CREB3L2: variants seen among roughly 807,000 people sequenced by gnomAD.
The protein encoded by CREB3L2 is cAMP responsive element binding protein 3 like 2.
Under a neutral mutation model 57.2 loss-of-function variants are expected in CREB3L2, and 23 were observed. That is an observed-to-expected ratio of 0.40 (90% CI 0.29 to 0.57). The LOEUF is 0.57. Ranked by LOEUF, CREB3L2 falls within the 20% of genes least tolerant of loss-of-function variation. CREB3L2 has a pLI of 0.42. For missense variants in CREB3L2, 628 were observed against 634.7 expected (o/e 0.99, Z 0.11); for synonymous variants, 268 against 265.1 (o/e 1.01, Z -0.11).
intron 1 of CREB3L2, among the ~76,000 whole-genome samples, chr7:137,982,111 C>T (rs756128587): frequency 6.6e-6 from 1 of 152,192 alleles, no homozygotes; most frequent in African/African-American, 2.4e-5. Flanking sequence ...TTTAGAGGTA[C>T]AGTCTCTGGG....
Position 137,965,264 on chromosome 7 carries a change from A to G in CREB3L2, c.102+36340T>C, listed in dbSNP as rs538648038. The stretch of plus-strand genomic sequence containing the variant: ...CTCAGATTACTTACGATTTTTCTAT[A>G]AACAGAAATTTAGTCTGTCTCCTTC... On this transcript the variant is annotated intron_variant, in intron 1 of 11. Coordinates refer to ENST00000330387, the MANE Select transcript of CREB3L2 (RefSeq NM_194071.4). Among the ~76,000 whole-genome samples the G allele has an allele frequency of 2.1e-4, 32 of 152,334 alleles. No homozygotes were observed. In the East Asian group the frequency reaches 6.0e-3, roughly 28 times the overall value.
intron 8 of CREB3L2, among the ~76,000 whole-genome samples, chr7:137,897,388 G>A (rs1799650607): frequency 6.6e-6 from 1 of 152,100 alleles, no homozygotes. Flanking sequence ...ATTATTATTT[G>A]AGACAGAGTC....
At chr7:137,893,380 G>C (rs1403902430) in intron 8 of CREB3L2, among the ~76,000 whole-genome samples, 1 of 152,232 alleles carries the variant, frequency 6.6e-6, no homozygotes, top group Non-Finnish European at 1.5e-5. Context: ...CCAGAAGTTA[G>C]AGATAATGCA....
rs577514729 is a variant in CREB3L2, at chr7:137,980,590, C to G, written c.102+21014G>C. Among the ~76,000 whole-genome samples the G allele has an allele frequency of 1.3e-5, 2 of 152,192 alleles. No individual in the cohort carries two copies. The highest frequency in any genetic ancestry group is 4.8e-5 in the African/African-American group (2 of 41,456). ...TGCCCAGGGCTTACCCCAAGCATTG[C>G]AGACACCTGTAAAAATCAGGCCTAC... On this transcript the variant is annotated intron_variant, in intron 1 of 11. Transcript: ENST00000330387. This position sits in a 1 kb window ranked among gnomAD's most constrained non-coding sequence, Gnocchi z 4.3.
Position 138,001,024 on chromosome 7 carries a change from G to A in CREB3L2, c.102+580C>T, listed in dbSNP as rs746182007. Among the ~76,000 whole-genome samples the A allele has an allele frequency of 6.1e-5, 9 of 148,194 alleles. No homozygotes were observed. Among genetic ancestry groups the A allele is most frequent in the Non-Finnish European group, 1.2e-4 (8 of 67,108 alleles). ...GAGGGAGGAAGGAGACTTCTTGGTC[G>A]TACAGTTTAAGAAAGCAAATAAAGC... On this transcript the variant is annotated intron_variant, in intron 1 of 11. Transcript: ENST00000330387. The surrounding 1 kb of genome is among the most constrained non-coding windows in gnomAD (Gnocchi z 4.2).
chr7:137,877,321 C>T lies in CREB3L2; in HGVS notation c.*3155G>A, dbSNP rs1799179666. ...TATCTAATTTTGCCCATATTGGTGT[C>T]AAATCTCATCCCCACTCCCTGCCAA... On this transcript the variant is annotated 3_prime_UTR_variant, in exon 12 of 12. Coordinates refer to ENST00000330387, the MANE Select transcript of CREB3L2 (RefSeq NM_194071.4). 4.4e-6 allele frequency: 1 copy of T among 227,076 alleles called. No homozygotes were observed. Among genetic ancestry groups the T allele is most frequent in the Non-Finnish European group, 8.8e-6 (1 of 114,228 alleles). 14.1% of individuals were successfully genotyped at this position (227,076 alleles called of 1,614,324 possible).
chr7:137,982,147 C>G (rs1224704344), intron 1 of CREB3L2, among the ~76,000 whole-genome samples: 1 of 152,148 alleles, frequency 6.6e-6, no homozygotes, highest in African/African-American at 2.4e-5. Flanking sequence ...ACTGTTAGGT[C>G]AGCAAACCTT....
At chr7:137,956,665 C>T in intron 1 of CREB3L2, 1 of 1,274,652 alleles carries the variant, frequency 7.8e-7, no homozygotes, top group Non-Finnish European at 1.0e-6. Flanking sequence ...ATTGAAACAG[C>T]ACAATTTAAC....
rs554487069 is a variant in CREB3L2, at chr7:137,915,052, C to T, written c.495+785G>A. Among the ~76,000 whole-genome samples, 3 of 152,278 alleles carry T rather than the reference C, an allele frequency of 2.0e-5. No homozygotes were observed. In the East Asian group the frequency reaches 5.8e-4, roughly 29 times the overall value. On this transcript the variant is annotated intron_variant, in intron 3 of 11. Coordinates refer to ENST00000330387, the MANE Select transcript of CREB3L2 (RefSeq NM_194071.4). ...GCAGATAGACATTCTATCTTGCTCA[C>T]AAGAAATCTGACTTAAGGAATGTTA...
In CREB3L2 at chr7:137,879,963, AG is replaced by A; in HGVS notation, c.*512del. 4.2e-6 allele frequency: 1 copy of A among 237,716 alleles called. No individual in the cohort carries two copies. The allele number at this position is 237,716 out of a possible 1,614,324, so 14.7% of individuals were successfully genotyped here. On this transcript the variant is annotated 3_prime_UTR_variant, in exon 12 of 12. Transcript: ENST00000330387. Reference sequence around the variant, plus strand: ...ACGAGACGATCCAGCGAGGGCTCCCAGGGGGCAGAGTGGGCGGAGGGCTGCT... The same window carrying A: ...ACGAGACGATCCAGCGAGGGCTCCCAGGGGCAGAGTGGGCGGAGGGCTGCT...
At chr7:137,914,188 ATAAT>A (rs1421251343) in intron 3 of CREB3L2, among the ~76,000 whole-genome samples, 12 of 149,656 alleles carry the variant, frequency 8.0e-5, no homozygotes, top group Admixed American at 4.7e-4. Flanking sequence ...ATAATTATTA[ATAAT>A]TAATATTAAT....
chr7:137,881,957 A>C (rs1168565492), intron 11 of CREB3L2, among the ~76,000 whole-genome samples: 1 of 152,240 alleles, frequency 6.6e-6, no homozygotes, highest in African/African-American at 2.4e-5. Context: ...TTTAATTAAC[A>C]CATGTGTATT....
At chr7:137,958,096 T>C in intron 1 of CREB3L2, 2 of 238,350 alleles carry the variant, frequency 8.4e-6, no homozygotes, top group Non-Finnish European at 1.7e-5. Context: ...AACAGGCAGC[T>C]CCCTGACTCA....
intron 8 of CREB3L2, among the ~76,000 whole-genome samples, chr7:137,894,436 A>C (rs1799581679): frequency 6.6e-6 from 1 of 152,198 alleles, no homozygotes. Context: ...ACATATTGTG[A>C]AGGATGTCGT....
At chr7:137,927,387 GAGGGAAGGAGGGAAGGAAGGGA>G (rs1367262329) in intron 2 of CREB3L2, among the ~76,000 whole-genome samples, 2 of 140,580 alleles carry the variant, frequency 1.4e-5, no homozygotes, top group Non-Finnish European at 3.1e-5. Context: ...AGAAGGAAGG[GAGGGAAGGAGGGAAGGAAGGGA>G]AGGGAAGGGA....
intron 2 of CREB3L2, among the ~76,000 whole-genome samples, chr7:137,922,026 T>C (rs2071404897): frequency 6.6e-6 from 1 of 151,692 alleles, no homozygotes; most frequent in African/African-American, 2.4e-5. Flanking sequence ...TCCTCCTGCC[T>C]CAGCCACCCA....
At chr7:137,898,300 C>T (rs1470916778) in intron 8 of CREB3L2, among the ~76,000 whole-genome samples, 1 of 152,176 alleles carries the variant, frequency 6.6e-6, no homozygotes, top group Non-Finnish European at 1.5e-5. Flanking sequence ...AACCCTTCCA[C>T]ACTGTTAGTG....
intron 10 of CREB3L2, among the ~76,000 whole-genome samples, chr7:137,884,074 C>T (rs1453711616): frequency 6.6e-6 from 1 of 152,164 alleles, no homozygotes; most frequent in African/African-American, 2.4e-5. Context: ...GGCACGATCT[C>T]GGCTCACTGC....
intron 8 of CREB3L2, among the ~76,000 whole-genome samples, chr7:137,892,574 C>T (rs952323043): frequency 9.9e-5 from 15 of 152,006 alleles, no homozygotes; most frequent in Non-Finnish European, 1.8e-4. Context: ...CGCTTGAACC[C>T]GGAAGGCAGA....
Sources: gnomAD v4.1 joint callset for allele counts (sites outside exome capture counted in the v4.1 genomes callset) on GRCh38, gnomAD v4.1.1 for gene constraint, Gnocchi (gnomAD v3.1) non-coding constraint, MANE v1.5 for transcripts, NCBI Gene and HGNC (gene_info 2026-07-23, HGNC 2026-07-21) for gene names.